Variants in RBFOX1 observed in about 807,000 individuals in gnomAD.
RBFOX1 encodes RNA binding fox-1 homolog 1.
Under a neutral mutation model 57.7 loss-of-function variants are expected in RBFOX1, and 8 were observed. The ratio of observed to expected loss-of-function variants is 0.14; its 90% confidence interval spans 0.08 to 0.25. RBFOX1 has a LOEUF of 0.25. Among genes scored for constraint, RBFOX1 ranks in the 10% least tolerant of loss-of-function variants. The probability of loss-of-function intolerance (pLI) is 1.00; values close to 1 mark genes in which losing one functional copy is unlikely to be tolerated. For missense variants in RBFOX1, 611 were observed against 548.5 expected, an observed-to-expected ratio of 1.11 and a Z score of -1.14; for synonymous variants, 326 against 222.4, an observed-to-expected ratio of 1.47 and a Z score of -4.15.
intron 4 of RBFOX1, among the ~76,000 whole-genome samples, chr16:5,968,633 T>G (rs1037947292): frequency 6.6e-6 from 1 of 152,214 alleles, no homozygotes; most frequent in African/African-American, 2.4e-5. Flanking sequence ...GATTTTTTTT[T>G]TCTAATGTCT....
chr16:6,127,628 T>G (rs139082060), intron 1 of RBFOX1, among the ~76,000 whole-genome samples: 23 of 152,328 alleles, frequency 1.5e-4, no homozygotes, highest in African/African-American at 5.5e-4. Context: ...CTCCAGTCAA[T>G]TTTAAACCAC....
chr16:7,117,571 C>G (rs1016126576), intron 4 of RBFOX1, among the ~76,000 whole-genome samples: 1 of 152,116 alleles, frequency 6.6e-6, no homozygotes, highest in Non-Finnish European at 1.5e-5. Flanking sequence ...TCTATAGTAC[C>G]TCATCTGAAA....
chr16:6,420,935 T>G (rs533711098), intron 2 of RBFOX1, among the ~76,000 whole-genome samples: 58 of 152,348 alleles, frequency 3.8e-4, no homozygotes, highest in African/African-American at 1.3e-3. Flanking sequence ...ACTGTAAGCC[T>G]GAAAGTGGGT....
At chr16:5,244,458 C>A (rs2062245161) in intron 1 of RBFOX1, among the ~76,000 whole-genome samples, 1 of 152,194 alleles carries the variant, frequency 6.6e-6, no homozygotes, top group Admixed American at 6.5e-5. Flanking sequence ...GGTGGCCTAC[C>A]CAGTTCACTC....
At chr16:7,566,426 A>G (rs552962057) in intron 5 of RBFOX1, among the ~76,000 whole-genome samples, 1 of 152,266 alleles carries the variant, frequency 6.6e-6, no homozygotes, top group South Asian at 2.1e-4. Context: ...TAGACTTTCC[A>G]GAGCATTTTC....
chr16:5,576,933 G>A (rs2046475765), intron 2 of RBFOX1, among the ~76,000 whole-genome samples: 1 of 152,236 alleles, frequency 6.6e-6, no homozygotes, highest in Non-Finnish European at 1.5e-5. Context: ...CAGCACTTGG[G>A]CCAAGATTAA....
At chr16:7,139,176 C>CTCTGTGTGTGTGTGTG (rs372381673) in intron 4 of RBFOX1, among the ~76,000 whole-genome samples, 12 of 145,792 alleles carry the variant, frequency 8.2e-5, no homozygotes, top group African/African-American at 1.3e-4. Flanking sequence ...CAATCTCTCT[C>CTCTGTGTGTGTGTGTG]TGTGTGTGTG....
chr16:6,815,647 C>T (rs2089906918), intron 3 of RBFOX1, among the ~76,000 whole-genome samples: 1 of 152,114 alleles, frequency 6.6e-6, no homozygotes, highest in Admixed American at 6.6e-5. Flanking sequence ...TCAAGGCTAC[C>T]TACTTACGCC....
intron 1 of RBFOX1, among the ~76,000 whole-genome samples, chr16:5,432,130 G>T (rs559001045): frequency 6.6e-6 from 1 of 152,202 alleles, no homozygotes; most frequent in Non-Finnish European, 1.5e-5. Context: ...AGGGCCATGG[G>T]TGGTCTCTGT....
chr16:7,338,587 C>G (rs756995245), intron 4 of RBFOX1, among the ~76,000 whole-genome samples: 1 of 152,054 alleles, frequency 6.6e-6, no homozygotes, highest in African/African-American at 2.4e-5. Flanking sequence ...GAGATGAGGT[C>G]TCATTATGTT....
intron 2 of RBFOX1, among the ~76,000 whole-genome samples, chr16:6,535,984 C>T (rs1400788063): frequency 6.6e-6 from 1 of 152,164 alleles, no homozygotes; most frequent in Non-Finnish European, 1.5e-5. Flanking sequence ...CCAACGACTT[C>T]ATATATATCT....
At chr16:7,205,472 C>G (rs1165908971) in intron 4 of RBFOX1, among the ~76,000 whole-genome samples, 1 of 148,620 alleles carries the variant, frequency 6.7e-6, no homozygotes. Context: ...GAGATCATGC[C>G]ATTGCACTCC....
intron 1 of RBFOX1, among the ~76,000 whole-genome samples, chr16:6,119,462 T>G (rs564090699): frequency 1.5e-4 from 23 of 152,196 alleles, no homozygotes; most frequent in Non-Finnish European, 2.5e-4. Flanking sequence ...CATGGTAAGA[T>G]TGTTTTTAAC....
rs147801974 is a variant in RBFOX1 at position 6,658,326 on chromosome 16, C to T, written c.-16+3676C>T. On this transcript the variant is annotated intron_variant, in intron 3 of 15. Coordinates refer to ENST00000550418, the MANE Select transcript of RBFOX1 (RefSeq NM_018723.4). Reference sequence around the variant, plus strand: ...CGTGATCTCAGCTCATTGCAACCTCCGCCTCCCGGGTTCAAGCGATTCTCC... The same window carrying T: ...CGTGATCTCAGCTCATTGCAACCTCTGCCTCCCGGGTTCAAGCGATTCTCC... Among the ~76,000 whole-genome samples, 757 of 151,822 alleles carry T rather than the reference C, an allele frequency of 5.0e-3. 6 individuals are homozygous for T. The highest frequency in any genetic ancestry group is 0.017 in the African/African-American group (719 of 41,410).
intron 4 of RBFOX1, among the ~76,000 whole-genome samples, chr16:7,436,468 G>A (rs564378876): frequency 5.1e-4 from 78 of 152,300 alleles, no homozygotes; most frequent in Middle Eastern, 6.8e-3. Context: ...GTCAAACACA[G>A]GTGGAGACAT....
At chr16:7,140,309 C>A (rs375799391) in intron 4 of RBFOX1, among the ~76,000 whole-genome samples, 354 of 77,574 alleles carry the variant, frequency 4.6e-3, no homozygotes, top group African/African-American at 0.016. Flanking sequence ...AGGTCACCTT[C>A]TCTTGGTTAT....
At chr16:5,700,049 G>C (rs772604879) in intron 3 of RBFOX1, among the ~76,000 whole-genome samples, 10 of 152,116 alleles carry the variant, frequency 6.6e-5, no homozygotes, top group Non-Finnish European at 4.4e-5. Context: ...AGCCAGGATG[G>C]TTTCGATCTC....
intron 1 of RBFOX1, among the ~76,000 whole-genome samples, chr16:6,159,337 A>C (rs1000158874): frequency 6.6e-6 from 1 of 152,120 alleles, no homozygotes; most frequent in African/African-American, 2.4e-5. Context: ...TCGGCCTCCC[A>C]AAGTGCTGGG....
chr16:5,630,837 G>C (rs1367374258), intron 3 of RBFOX1, among the ~76,000 whole-genome samples: 1 of 152,200 alleles, frequency 6.6e-6, no homozygotes, highest in Non-Finnish European at 1.5e-5. Context: ...AGTCATTTCA[G>C]AGGGGAGCAA....
Sources: allele counts gnomAD v4.1 joint callset (sites outside exome capture counted in the v4.1 genomes callset), GRCh38; gene constraint gnomAD v4.1.1; transcripts MANE v1.5; gene names NCBI Gene and HGNC (gene_info 2026-07-23, HGNC 2026-07-21).